The following GNA14 variants were observed in gnomAD, a reference collection of about 807,000 sequenced individuals.
The protein encoded by GNA14 is guanine nucleotide-binding protein subunit alpha-14.
GNA14 carries 50 observed loss-of-function variants against 42.0 expected under a neutral mutation model. That is an observed-to-expected ratio of 1.19 (90% CI 0.95 to 1.51). The LOEUF is 1.51. GNA14 is among the 40% of genes most tolerant of loss of function. GNA14 has a pLI of 0.00. For missense variants in GNA14, 473 were observed against 446.2 expected, an observed-to-expected ratio of 1.06 and a Z score of -0.54; for synonymous variants, 173 against 163.1, an observed-to-expected ratio of 1.06 and a Z score of -0.46.
intron 1 of GNA14, among the ~76,000 whole-genome samples, chr9:77,627,273 G>T: frequency 6.6e-6 from 1 of 152,270 alleles, no homozygotes; most frequent in South Asian, 2.1e-4. Context: ...GCCAGGAACA[G>T]ATGGATTCAC....
chr9:77,464,171 TTA>T (rs1457162065), intron 2 of GNA14, among the ~76,000 whole-genome samples: 9 of 152,112 alleles, frequency 5.9e-5, no homozygotes, highest in South Asian at 2.1e-4. Flanking sequence ...CGGCTAATTT[TTA>T]TATGTTTTGT....
intron 1 of GNA14, among the ~76,000 whole-genome samples, chr9:77,618,620 A>T (rs10869949): frequency 0.25 from 2,472 of 9,976 alleles, 276 homozygotes; most frequent in Admixed American, 0.28. Context: ...ATATATATAT[A>T]TTTTTTTTTT....
chr9:77,632,176 CAATCTCA>C (rs1456242310), intron 1 of GNA14, among the ~76,000 whole-genome samples: 4 of 152,218 alleles, frequency 2.6e-5, no homozygotes, highest in African/African-American at 9.7e-5. Flanking sequence ...GCACCCACTC[CAATCTCA>C]GAGCAAAGTT....
intron 2 of GNA14, among the ~76,000 whole-genome samples, chr9:77,448,627 C>T (rs1013556120): frequency 1.3e-5 from 2 of 152,038 alleles, no homozygotes; most frequent in African/African-American, 4.8e-5. Context: ...TCTGATAATT[C>T]GAATTAAATG....
chr9:77,498,090 T>C (rs1836902090), intron 2 of GNA14, among the ~76,000 whole-genome samples: 1 of 152,158 alleles, frequency 6.6e-6, no homozygotes, highest in East Asian at 1.9e-4. Context: ...GAAAACAAGC[T>C]GTGTCGGGCT....
intron 3 of GNA14, among the ~76,000 whole-genome samples, chr9:77,433,367 T>C (rs1835588895): frequency 1.3e-5 from 2 of 151,816 alleles, no homozygotes; most frequent in African/African-American, 4.9e-5. Context: ...CCCCGGGATA[T>C]TATTATTTAT....
intron 1 of GNA14, among the ~76,000 whole-genome samples, chr9:77,561,772 G>A (rs1822887520): frequency 1.3e-5 from 2 of 152,310 alleles, no homozygotes; most frequent in African/African-American, 2.4e-5. Flanking sequence ...ATGGCTAAGA[G>A]GGTAAATTTT....
chr9:77,498,489 G>A (rs1339057231), intron 2 of GNA14, among the ~76,000 whole-genome samples: 1 of 152,110 alleles, frequency 6.6e-6, no homozygotes, highest in Non-Finnish European at 1.5e-5. Flanking sequence ...AAGCCCGTAG[G>A]AGCTACTCAA....
intron 1 of GNA14, among the ~76,000 whole-genome samples, chr9:77,601,465 A>G (rs931465616): frequency 1.3e-5 from 2 of 152,222 alleles, no homozygotes; most frequent in Non-Finnish European, 2.9e-5. Context: ...CTGACCTTAT[A>G]TGTTTTAGGA....
intron 1 of GNA14, among the ~76,000 whole-genome samples, chr9:77,553,404 C>A (rs894004327): frequency 6.6e-6 from 1 of 151,888 alleles, no homozygotes; most frequent in Admixed American, 6.6e-5. Context: ...ACCTATATGG[C>A]ACATCAAAAT....
intron 2 of GNA14, among the ~76,000 whole-genome samples, chr9:77,516,007 T>C (rs1388540760): frequency 7.6e-6 from 1 of 131,562 alleles, no homozygotes; most frequent in Non-Finnish European, 1.6e-5. Flanking sequence ...GAGACAGCCA[T>C]GTAACAGAGT....
chr9:77,556,747 C>A (rs1381952766), intron 1 of GNA14, among the ~76,000 whole-genome samples: 1 of 152,150 alleles, frequency 6.6e-6, no homozygotes, highest in Non-Finnish European at 1.5e-5. Flanking sequence ...CCCAGACACA[C>A]ACACATCCCA....
intron 1 of GNA14, among the ~76,000 whole-genome samples, chr9:77,544,137 T>C (rs934291863): frequency 3.9e-5 from 6 of 152,194 alleles, no homozygotes; most frequent in African/African-American, 1.4e-4. Flanking sequence ...TAACTGTTGC[T>C]CCCATAAAGA....
chr9:77,564,955 A>T (rs1325820041), intron 1 of GNA14, among the ~76,000 whole-genome samples: 1 of 152,190 alleles, frequency 6.6e-6, no homozygotes, highest in Non-Finnish European at 1.5e-5. Context: ...GTATTCACAG[A>T]TATACTGGTG....
At chr9:77,588,146 T>G (rs747454891) in intron 1 of GNA14, among the ~76,000 whole-genome samples, 9 of 152,160 alleles carry the variant, frequency 5.9e-5, no homozygotes, top group Non-Finnish European at 1.2e-4. Flanking sequence ...ACTCTCCCGA[T>G]TTCAAGATCC....
intron 1 of GNA14, among the ~76,000 whole-genome samples, chr9:77,608,527 G>A (rs1823674358): frequency 6.6e-6 from 1 of 152,200 alleles, no homozygotes; most frequent in South Asian, 2.1e-4. Flanking sequence ...AGGCATCCTG[G>A]CCAGCAAAAA....
intron 2 of GNA14, among the ~76,000 whole-genome samples, chr9:77,504,547 AAAGAGAG>A (rs1837031038): frequency 1.8e-5 from 2 of 113,528 alleles, no homozygotes; most frequent in African/African-American, 8.7e-5. Context: ...AAAAAAAAAA[AAAGAGAG>A]AGAGAGAGAG....
chr9:77,445,713 GC>G (rs1835806814), intron 2 of GNA14, among the ~76,000 whole-genome samples: 1 of 152,108 alleles, frequency 6.6e-6, no homozygotes, highest in Admixed American at 6.5e-5. Flanking sequence ...CTGCACTCCA[GC>G]CTGGGCAACA....
chr9:77,563,455 A>G (rs1378237947), intron 1 of GNA14, among the ~76,000 whole-genome samples: 1 of 152,192 alleles, frequency 6.6e-6, no homozygotes, highest in Admixed American at 6.5e-5. Flanking sequence ...GATTTGTTTC[A>G]TTTTTAAGTA....
Sources: gnomAD v4.1 joint callset for allele counts (sites outside exome capture counted in the v4.1 genomes callset) on GRCh38, gnomAD v4.1.1 for gene constraint, MANE v1.5 for transcripts, NCBI Gene and HGNC (gene_info 2026-07-23, HGNC 2026-07-21) for gene names.